TASOR2: variants seen among roughly 807,000 people sequenced by gnomAD.
TASOR2 encodes the protein protein TASOR 2.
TASOR2 carries 84 observed loss-of-function variants against 199.5 expected under a neutral mutation model. The ratio of observed to expected loss-of-function variants is 0.42; its 90% CI spans 0.35 to 0.50. The LOEUF (loss-of-function observed/expected upper bound fraction) is 0.50, where lower values mean the gene tolerates loss of function less well. Ranked by LOEUF, TASOR2 falls within the 20% of genes least tolerant of loss-of-function variation. The pLI is 0.02. For missense variants in TASOR2, 2,796 were observed against 2,835.9 expected, an observed-to-expected ratio of 0.99 and a Z score of 0.32; for synonymous variants, 1,103 against 1,046.6, an observed-to-expected ratio of 1.05 and a Z score of -1.04.
intron 19 of TASOR2, 105 bp downstream of exon 20, chr10:5,761,576 G>C: frequency 1.0e-6 from 1 of 953,326 alleles, no homozygotes; most frequent in Non-Finnish European, 1.6e-6. Context: ...AAATGGCTTG[G>C]CATCCCATGG....
At position 5,722,417 on chromosome 10, in the gene TASOR2, C is replaced by T. The variant is rs1190733943; in HGVS notation, c.147-1260C>T. On this transcript the variant is annotated intron_variant, in intron 6 of 20. Transcript: ENST00000328090. The surrounding 1 kb of genome is among the most constrained non-coding windows in gnomAD (Gnocchi z 4.0). ...GTTGCATTGAGCTGAGATCGCGCCA[C>T]TACACTCCAGCCTGGGCGACAGAGT... Among the ~76,000 whole-genome samples the T allele has an allele frequency of 6.6e-6, 1 of 152,076 alleles. No individual in the cohort carries two copies. The highest frequency in any genetic ancestry group is 1.5e-5 in the Non-Finnish European group (1 of 68,020).
intron 18 of TASOR2, chr10:5,761,077 C>T: frequency 2.0e-6 from 1 of 503,164 alleles, no homozygotes; most frequent in East Asian, 3.3e-5. Flanking sequence ...TGCATGATGT[C>T]CCTCTTAGAA....
In TASOR2 at chr10:5,699,483, T is replaced by C. The variant is rs1837546926; in HGVS notation, c.-287-13340T>C. On this transcript the variant is annotated intron_variant, in intron 1 of 20. Transcript: ENST00000328090. The surrounding 1 kb of genome is among the most constrained non-coding windows in gnomAD (Gnocchi z 4.1). ...AATTGAATTGTACACTTTATGTGGGTGAATTGTATGCCGTATGAATTATAT... is the reference window on the plus strand; with the variant it reads ...AATTGAATTGTACACTTTATGTGGGCGAATTGTATGCCGTATGAATTATAT... 1 of 152,140 alleles carries C rather than the reference T, an allele frequency of 6.6e-6. No homozygotes were observed. Among genetic ancestry groups the C allele is most frequent in the Non-Finnish European group, 1.5e-5 (1 of 67,992 alleles). 9.4% of individuals were successfully genotyped at this position (152,140 alleles called of 1,614,324 possible). A position where few individuals can be genotyped will look rare whatever the true frequency, so the allele number is the denominator to read the frequency against.
At chr10:5,711,204 C>A (rs1475842518) in intron 1 of TASOR2, among the ~76,000 whole-genome samples, 1 of 151,916 alleles carries the variant, frequency 6.6e-6, no homozygotes, top group African/African-American at 2.4e-5. Flanking sequence ...TTTTTAAATG[C>A]CTTGATAATT....
At chr10:5,727,720 C>A (rs1176564377) in intron 10 of TASOR2, among the ~76,000 whole-genome samples, 4 of 152,150 alleles carry the variant, frequency 2.6e-5, no homozygotes, top group African/African-American at 7.2e-5. Context: ...TTCCTCCTAT[C>A]TGTCAAACTC....
chr10:5,697,642 C>A (rs992821042), intron 1 of TASOR2, among the ~76,000 whole-genome samples: 2 of 152,082 alleles, frequency 1.3e-5, no homozygotes, highest in Non-Finnish European at 2.9e-5. Flanking sequence ...TAAAGGCCCT[C>A]CTGAACCAGA....
At position 5,737,116 on chromosome 10, in the gene TASOR2, C is replaced by T. The variant is rs776657646; in HGVS notation, c.1447+1570C>T. On this transcript the variant is annotated intron_variant, in intron 12 of 20. Transcript: ENST00000328090. The surrounding 1 kb of genome is among the most constrained non-coding windows in gnomAD (Gnocchi z 4.9). ...CTAGGACTACAGGTGCATGCCACCA[C>T]GCCTGGCTAATTTTTGTATTTTTAG... 2.0e-5 allele frequency among the ~76,000 whole-genome samples: 3 copies of T among 152,092 alleles called. No individual in the cohort carries two copies. Among genetic ancestry groups the T allele is most frequent in the East Asian group, 1.9e-4 (1 of 5,164 alleles).
rs1162390480 is a variant in TASOR2 at position 5,730,848 on chromosome 10, G to A, written c.849G>A (p.Glu283=). The A allele has an allele frequency of 3.1e-6, 5 of 1,614,088 alleles. No individual in the cohort carries two copies. Among genetic ancestry groups the A allele is most frequent in the Non-Finnish European group, 4.2e-6 (5 of 1,180,040 alleles). ...CTACTGCTTTGGACTTGCTAGCAGA[G>A]CATCCTCAGTCTCCTTGTGTTTCAG... is the stretch of plus-strand genomic sequence containing the variant. Residue 283 remains glutamate (E), a synonymous_variant, in exon 11 of 21, where the codon GAG becomes GAA. Coordinates refer to ENST00000328090, the Ensembl canonical transcript of TASOR2. This position sits in a 1 kb window ranked among gnomAD's most constrained non-coding sequence, Gnocchi z 4.1.
intron 2 of TASOR2, 124 bp from the exon 4 acceptor site, chr10:5,717,535 G>C (rs754678251): frequency 2.5e-6 from 1 of 399,234 alleles, no homozygotes; most frequent in Non-Finnish European, 4.3e-6. Flanking sequence ...CTGCTGCCTT[G>C]TTGGAATCCT....
chr10:5,731,542 T>A (rs1040559373), intron 11 of TASOR2, among the ~76,000 whole-genome samples: 1 of 152,166 alleles, frequency 6.6e-6, no homozygotes, highest in African/African-American at 2.4e-5. Flanking sequence ...TAATAATAGT[T>A]GTTGTATTCG....
At chr10:5,709,225 G>A (rs1810785938) in intron 1 of TASOR2, among the ~76,000 whole-genome samples, 1 of 152,090 alleles carries the variant, frequency 6.6e-6, no homozygotes, top group Non-Finnish European at 1.5e-5. Context: ...TAAAGATGTG[G>A]TTCTGTGATC....
At chr10:5,697,794 G>A (rs1282337935) in intron 1 of TASOR2, among the ~76,000 whole-genome samples, 1 of 152,144 alleles carries the variant, frequency 6.6e-6, no homozygotes, top group Non-Finnish European at 1.5e-5. Context: ...AACAGTCCAG[G>A]ATAATTCATC....
chr10:5,759,912 G>A (rs1839533507), intron 18 of TASOR2, among the ~76,000 whole-genome samples: 1 of 152,222 alleles, frequency 6.6e-6, no homozygotes, highest in Non-Finnish European at 1.5e-5. Flanking sequence ...ACCAGCACTT[G>A]AGGGGAAAAA....
At chr10:5,762,440 C>T (rs1369520335) in intron 19 of TASOR2, 92 bp from the exon 21 acceptor site, 5 of 378,930 alleles carry the variant, frequency 1.3e-5, no homozygotes. Context: ...CGAGGAAGTT[C>T]CACAGATTTT....
rs1415190769 is a variant in TASOR2 at position 5,750,413 on chromosome 10, A to T, written c.6606+386A>T. 1.3e-5 allele frequency among the ~76,000 whole-genome samples: 2 copies of T among 152,132 alleles called. No homozygotes were observed. The highest frequency in any genetic ancestry group is 2.9e-5 in the Non-Finnish European group (2 of 68,000). ...TCTTTTGGTTTTGGATATATTTTTA[A>T]TTTGAATTTGAATGTTAGGATAACT... On this transcript the variant is annotated intron_variant, in intron 15 of 20. Transcript: ENST00000328090. This position sits in a 1 kb window ranked among gnomAD's most constrained non-coding sequence, Gnocchi z 5.4.
chr10:5,710,629 G>A lies in TASOR2; in HGVS notation c.-287-2194G>A, dbSNP rs1033528194. ...TCAGTTCATTATTGTGCATTATGAT[G>A]CTCAAAAATGAGGACGTATGTAACT... is the stretch of plus-strand genomic sequence containing the variant. On this transcript the variant is annotated intron_variant, in intron 1 of 20. Transcript: ENST00000328090. The surrounding 1 kb of genome is among the most constrained non-coding windows in gnomAD (Gnocchi z 4.6). Among the ~76,000 whole-genome samples, 2 of 152,022 alleles carry A rather than the reference G, an allele frequency of 1.3e-5. No individual in the cohort carries two copies. The highest frequency in any genetic ancestry group is 2.9e-5 in the Non-Finnish European group (2 of 67,924).
At chr10:5,746,755 T>C in exon 15 of TASOR2, 1 of 1,614,086 alleles carries the variant, frequency 6.2e-7, no homozygotes, top group African/African-American at 1.3e-5. Flanking sequence ...GGACATTCCC[T>C]CTCTAGTAGT....
chr10:5,739,824 T>C (rs752603086), exon 13 of TASOR2: 9 of 1,614,214 alleles, frequency 5.6e-6, no homozygotes, highest in African/African-American at 1.3e-5. Context: ...CACACCAGTA[T>C]CTGAGGCTAG....
intron 6 of TASOR2, 83 bp from the exon 8 acceptor site, chr10:5,723,594 C>T: frequency 1.3e-6 from 1 of 764,562 alleles, no homozygotes; most frequent in Non-Finnish European, 2.0e-6. Flanking sequence ...TTTTTGTTTA[C>T]ATTTATATTA....
Sources: allele counts gnomAD v4.1 joint callset (sites outside exome capture counted in the v4.1 genomes callset), GRCh38; gene constraint gnomAD v4.1.1; non-coding constraint Gnocchi (gnomAD v3.1); transcripts MANE v1.5; gene names NCBI Gene and HGNC (gene_info 2026-07-23, HGNC 2026-07-21).